COL19A1: variants seen among roughly 807,000 people sequenced by gnomAD.
COL19A1 encodes the protein collagen alpha-1(XIX) chain.
In COL19A1, 159 loss-of-function variants were observed where a neutral mutation model predicts 190.2. The observed-to-expected ratio is 0.84, with a 90% CI of 0.73 to 0.95. The LOEUF is 0.95. Ranked by LOEUF, COL19A1 falls within the 40% of genes least tolerant of loss-of-function variation. The pLI is 0.00. For missense variants in COL19A1, 1,418 were observed against 1,431.9 expected (o/e 0.99, Z 0.16); for synonymous variants, 509 against 458.9 (o/e 1.11, Z -1.39).
Position 70,113,613 on chromosome 6 carries a change from G to A in COL19A1, c.1279-8267G>A, listed in dbSNP as rs538270325. ...CGCGAAGGCTCCTTGCCCTTCATTT[G>A]GCATTATTGAAACCTCAAAAGTTAT... is the stretch of plus-strand genomic sequence containing the variant. On this transcript the variant is annotated intron_variant, in intron 16 of 50. Transcript: ENST00000620364. 3.3e-5 allele frequency among the ~76,000 whole-genome samples: 5 copies of A among 151,974 alleles called. No individual in the cohort carries two copies. The South Asian group carries it at 1.0e-3, about 32-fold the overall frequency.
chr6:70,091,114 G>T (rs112027139), intron 15 of COL19A1, among the ~76,000 whole-genome samples: 3,798 of 152,072 alleles, frequency 0.025, 81 homozygotes, highest in Non-Finnish European at 0.035. Flanking sequence ...TCCAAAATTC[G>T]TATCTTTATT....
At chr6:70,080,820 C>T (rs935259731) in intron 15 of COL19A1, among the ~76,000 whole-genome samples, 5 of 152,098 alleles carry the variant, frequency 3.3e-5, no homozygotes, top group Non-Finnish European at 7.4e-5. Context: ...AAGAGTCCTG[C>T]CTGTGTTTTA....
chr6:69,928,762 C>G (rs1772559566), intron 5 of COL19A1, among the ~76,000 whole-genome samples: 1 of 152,082 alleles, frequency 6.6e-6, no homozygotes, highest in Admixed American at 6.6e-5. Context: ...TGCTGGCACT[C>G]CAGCGAGGGG....
chr6:70,201,479 T>C (rs1767550033), intron 49 of COL19A1, among the ~76,000 whole-genome samples: 1 of 152,234 alleles, frequency 6.6e-6, no homozygotes, highest in Non-Finnish European at 1.5e-5. Flanking sequence ...AGACTACTTC[T>C]ACTCCTGATA....
intron 11 of COL19A1, among the ~76,000 whole-genome samples, chr6:69,977,512 T>C (rs1419820769): frequency 1.3e-5 from 2 of 151,832 alleles, no homozygotes; most frequent in East Asian, 3.9e-4. Context: ...ATGGCACATG[T>C]ATACATATGT....
At chr6:69,903,601 A>G (rs1352318911) in intron 4 of COL19A1, among the ~76,000 whole-genome samples, 3 of 152,206 alleles carry the variant, frequency 2.0e-5, no homozygotes, top group South Asian at 4.1e-4. Context: ...GTTGTTATCC[A>G]TAAATGCACC....
intron 9 of COL19A1, among the ~76,000 whole-genome samples, chr6:69,958,531 T>TA (rs1381199354): frequency 6.6e-6 from 1 of 152,206 alleles, no homozygotes; most frequent in East Asian, 1.9e-4. Flanking sequence ...GGTCTAAAAC[T>TA]ATAACAATTT....
chr6:69,876,207 C>T (rs1582252575), intron 1 of COL19A1, among the ~76,000 whole-genome samples: 1 of 152,192 alleles, frequency 6.6e-6, no homozygotes, highest in Non-Finnish European at 1.5e-5. Context: ...ATTTAGTCAA[C>T]TAGCCATAAA....
At chr6:69,920,419 C>T (rs1206483004) in intron 4 of COL19A1, among the ~76,000 whole-genome samples, 2 of 152,110 alleles carry the variant, frequency 1.3e-5, no homozygotes, top group Admixed American at 6.6e-5. Context: ...ATTTCTGCAA[C>T]ATTGAAGTGA....
intron 15 of COL19A1, among the ~76,000 whole-genome samples, chr6:70,096,591 G>A (rs1375000727): frequency 6.6e-6 from 1 of 152,036 alleles, no homozygotes; most frequent in Non-Finnish European, 1.5e-5. Flanking sequence ...AGAAAAAATG[G>A]GGCACAGGGA....
At position 70,150,961 on chromosome 6, in the gene COL19A1, G is replaced by A. The variant is rs139042108; in HGVS notation, c.2038-436G>A. 2.2e-3 allele frequency among the ~76,000 whole-genome samples: 329 copies of A among 152,204 alleles called. 1 individual carries two copies. Among genetic ancestry groups the A allele is most frequent in the Non-Finnish European group, 1.5e-3 (101 of 67,994 alleles). On this transcript the variant is annotated intron_variant, in intron 30 of 50. Transcript: ENST00000620364. ...CTGTAGGTTCTTTGAACTTCCATGA[G>A]AAATAACTTTAAGGCAAACTTATCT...
At chr6:69,962,003 A>G (rs1774827906) in intron 10 of COL19A1, among the ~76,000 whole-genome samples, 1 of 152,152 alleles carries the variant, frequency 6.6e-6, no homozygotes, top group African/African-American at 2.4e-5. Context: ...GCACTCAGGA[A>G]ATGCTTGCTG....
Position 70,168,164 on chromosome 6 carries a change from T to C in COL19A1, c.2497-7T>C. 6.2e-7 allele frequency: 1 copy of C among 1,612,928 alleles called. No individual in the cohort carries two copies. The highest frequency in any genetic ancestry group is 8.5e-7 in the Non-Finnish European group (1 of 1,179,440). On this transcript the variant is annotated splice_polypyrimidine_tract_variant and splice_region_variant and intron_variant, in intron 38 of 50. Transcript: ENST00000620364. Reference sequence around the variant, plus strand: ...TCTTTTTCTTTTCTTTTCATTTTCTTTTGAAGGGAGGTGTGAATGTTCCCA... The same window carrying C: ...TCTTTTTCTTTTCTTTTCATTTTCTCTTGAAGGGAGGTGTGAATGTTCCCA...
intron 42 of COL19A1, 55 bp from the exon 43 acceptor site, chr6:70,180,257 A>G (rs373747055): frequency 2.5e-6 from 4 of 1,598,302 alleles, no homozygotes; most frequent in Non-Finnish European, 3.4e-6. Flanking sequence ...AGAGAAGCAT[A>G]TGGTGTCGTT....
chr6:70,066,941 A>T (rs1374680694), intron 14 of COL19A1, among the ~76,000 whole-genome samples: 1 of 152,142 alleles, frequency 6.6e-6, no homozygotes, highest in Non-Finnish European at 1.5e-5. Context: ...TTTATCCAAA[A>T]ACTTTTATTG....
intron 1 of COL19A1, among the ~76,000 whole-genome samples, chr6:69,869,770 G>A (rs960094921): frequency 5.9e-5 from 9 of 152,204 alleles, no homozygotes; most frequent in Middle Eastern, 6.8e-3. Context: ...GAAGTGAGTC[G>A]GTAAAACAGA....
intron 4 of COL19A1, among the ~76,000 whole-genome samples, chr6:69,915,535 A>T (rs1031449456): frequency 3.9e-5 from 6 of 152,148 alleles, no homozygotes; most frequent in Non-Finnish European, 5.9e-5. Flanking sequence ...GGGAGACCAG[A>T]TACTTCACCT....
At chr6:69,965,404 A>T (rs1775032983) in intron 11 of COL19A1, among the ~76,000 whole-genome samples, 1 of 152,202 alleles carries the variant, frequency 6.6e-6, no homozygotes, top group Non-Finnish European at 1.5e-5. Flanking sequence ...AACCAACTGG[A>T]GTAATCTGCT....
intron 9 of COL19A1, among the ~76,000 whole-genome samples, chr6:69,953,592 G>C (rs1774244819): frequency 6.6e-6 from 1 of 151,950 alleles, no homozygotes; most frequent in Non-Finnish European, 1.5e-5. Flanking sequence ...TGCTCACTCT[G>C]CAGCTGATTT....
Sources: allele counts gnomAD v4.1 joint callset (sites outside exome capture counted in the v4.1 genomes callset), GRCh38; gene constraint gnomAD v4.1.1; transcripts MANE v1.5; gene names NCBI Gene and HGNC (gene_info 2026-07-23, HGNC 2026-07-21).